Variants in RANBP2 observed in about 807,000 individuals in gnomAD.
The protein encoded by RANBP2 is RAN binding protein 2, also known as E3 SUMO-protein ligase RanBP2.
A neutral mutation model predicts 303.6 loss-of-function variants in RANBP2; 57 were observed. The ratio of observed to expected loss-of-function variants is 0.19; its 90% confidence interval spans 0.15 to 0.23. The LOEUF is 0.23. RANBP2 is among the 10% of genes least tolerant of loss of function. The pLI is 1.00. For missense variants in RANBP2, 3,138 were observed against 3,780.8 expected, an observed-to-expected ratio of 0.83 and a Z score of 4.46; for synonymous variants, 1,167 against 1,301.5, an observed-to-expected ratio of 0.90 and a Z score of 2.23.
At chr2:108,974,046 T>C in the RANBP2 span, among the ~76,000 whole-genome samples, 2 of 152,176 alleles carry the variant, frequency 1.3e-5, no homozygotes, top group East Asian at 3.9e-4. Flanking sequence ...ATGCCACATA[T>C]TGGTCAGGCG....
chr2:109,763,171 TA>T, the RANBP2 span, among the ~76,000 whole-genome samples: 1 of 149,984 alleles, frequency 6.7e-6, no homozygotes, highest in Non-Finnish European at 1.5e-5. Context: ...TTTGAACTGT[TA>T]AATGACTTTA....
the RANBP2 span, among the ~76,000 whole-genome samples, chr2:108,790,813 A>G: frequency 6.6e-6 from 1 of 152,294 alleles, no homozygotes; most frequent in East Asian, 1.9e-4. Flanking sequence ...GTGCAGTAGC[A>G]TAATTGTAAC....
chr2:109,539,861 T>C, the RANBP2 span, among the ~76,000 whole-genome samples: 27,711 of 152,206 alleles, frequency 0.18, 3,337 homozygotes, highest in Non-Finnish European at 0.27. Flanking sequence ...ATCTGTGGTT[T>C]TGCATGCACC....
the RANBP2 span, among the ~76,000 whole-genome samples, chr2:108,820,458 A>G: frequency 6.6e-6 from 1 of 152,088 alleles, no homozygotes. Flanking sequence ...CCTTTTTTTG[A>G]GGAAAGAAAT....
chr2:108,835,907 A>C, the RANBP2 span, among the ~76,000 whole-genome samples: 1 of 152,166 alleles, frequency 6.6e-6, no homozygotes, highest in African/African-American at 2.4e-5. Flanking sequence ...GCATCCTCAC[A>C]TGGCACAGGG....
chr2:109,412,821 G>C, the RANBP2 span, among the ~76,000 whole-genome samples: 1 of 152,210 alleles, frequency 6.6e-6, no homozygotes, highest in African/African-American at 2.4e-5. Context: ...GTTATGGTTT[G>C]GTATGTAAGT....
At chr2:109,643,880 T>C in the RANBP2 span, among the ~76,000 whole-genome samples, 5 of 152,184 alleles carry the variant, frequency 3.3e-5, no homozygotes, top group African/African-American at 1.2e-4. Flanking sequence ...CCCAGCCCTT[T>C]GGGAGGCCTA....
chr2:109,203,421 G>C, the RANBP2 span, among the ~76,000 whole-genome samples: 1 of 152,192 alleles, frequency 6.6e-6, no homozygotes, highest in Non-Finnish European at 1.5e-5. Flanking sequence ...CGCATCACCT[G>C]TGGTCAGGCG....
At chr2:109,098,181 T>C in the RANBP2 span, among the ~76,000 whole-genome samples, 3 of 152,186 alleles carry the variant, frequency 2.0e-5, no homozygotes, top group African/African-American at 7.2e-5. Flanking sequence ...CCTTCCTAAA[T>C]CTGCCTGCTC....
At chr2:109,493,160 C>T in the RANBP2 span, among the ~76,000 whole-genome samples, 2 of 142,776 alleles carry the variant, frequency 1.4e-5, no homozygotes, top group Admixed American at 7.4e-5. Context: ...AAAACACATA[C>T]ACCACACATA....
downstream of RANBP2, among the ~76,000 whole-genome samples, chr2:108,786,085 A>G (rs1678639973): frequency 6.6e-6 from 1 of 151,984 alleles, no homozygotes; most frequent in Non-Finnish European, 1.5e-5. Context: ...ACTATGTACT[A>G]TGGTTAGCAC....
chr2:108,979,872 C>T, the RANBP2 span, among the ~76,000 whole-genome samples: 5 of 152,152 alleles, frequency 3.3e-5, no homozygotes, highest in Non-Finnish European at 5.9e-5. Context: ...ACGGGCAGCA[C>T]ACGGGTAGGG....
At chr2:109,224,077 A>G in the RANBP2 span, among the ~76,000 whole-genome samples, 1 of 152,254 alleles carries the variant, frequency 6.6e-6, no homozygotes, top group Non-Finnish European at 1.5e-5. Flanking sequence ...GAATAGCTTC[A>G]GGGTTTACCT....
the RANBP2 span, among the ~76,000 whole-genome samples, chr2:109,500,200 A>G: frequency 1.3e-5 from 2 of 152,100 alleles, no homozygotes; most frequent in African/African-American, 2.4e-5. Flanking sequence ...GTTAGAAGCT[A>G]TGTTAGTGGT....
chr2:109,200,280 G>T, the RANBP2 span, among the ~76,000 whole-genome samples: 28 of 152,182 alleles, frequency 1.8e-4, no homozygotes, highest in Admixed American at 1.8e-3. Flanking sequence ...GGTGTTCTCA[G>T]TGGGCGTCTG....
chr2:109,290,003 C>T, the RANBP2 span, among the ~76,000 whole-genome samples: 1 of 152,116 alleles, frequency 6.6e-6, no homozygotes, highest in African/African-American at 2.4e-5. Context: ...ACTGGGGGGA[C>T]CTTGTTAAAA....
the RANBP2 span, among the ~76,000 whole-genome samples, chr2:109,413,827 G>C: frequency 2.6e-4 from 39 of 152,328 alleles, no homozygotes; most frequent in African/African-American, 8.9e-4. Context: ...CCCAAGCCAG[G>C]AGTGAGGGCT....
the RANBP2 span, among the ~76,000 whole-genome samples, chr2:109,675,270 G>C: frequency 3.9e-5 from 6 of 152,210 alleles, no homozygotes; most frequent in Admixed American, 1.3e-4. Flanking sequence ...AGGACAGCTT[G>C]GCAAAGTGCA....
At chr2:109,502,107 C>T in the RANBP2 span, 8 of 168,416 alleles carry the variant, frequency 4.8e-5, no homozygotes, top group East Asian at 8.0e-4. Flanking sequence ...CTGGGCTTCC[C>T]GCGGGGCCCA....
Sources: gnomAD v4.1 joint callset for allele counts (sites outside exome capture counted in the v4.1 genomes callset) on GRCh38, gnomAD v4.1.1 for gene constraint, MANE v1.5 for transcripts, NCBI Gene and HGNC (gene_info 2026-07-23, HGNC 2026-07-21) for gene names.